Variants in SERINC5 observed in about 807,000 individuals in gnomAD.
SERINC5 encodes the protein serine incorporator 5, also known as chromosome 5 open reading frame 12.
In SERINC5, 41 loss-of-function variants were observed where a neutral mutation model predicts 63.1. The ratio of observed to expected loss-of-function variants is 0.65; its 90% confidence interval spans 0.51 to 0.84. The LOEUF (loss-of-function observed/expected upper bound fraction) is 0.84, where lower values mean the gene tolerates loss of function less well. SERINC5 is among the 40% of genes least tolerant of loss of function. The pLI is 0.00. For missense variants in SERINC5, 523 were observed against 573.0 expected (o/e 0.91, Z 0.89); for synonymous variants, 222 against 215.2 (o/e 1.03, Z -0.28).
At chr5:80,247,070 G>A (rs1265899408) in intron 1 of SERINC5, among the ~76,000 whole-genome samples, 2 of 152,134 alleles carry the variant, frequency 1.3e-5, no homozygotes, top group Admixed American at 6.6e-5. Flanking sequence ...AGGCAGGTAT[G>A]GCCACTTAAA....
intron 4 of SERINC5, among the ~76,000 whole-genome samples, chr5:80,176,867 G>C (rs1748064374): frequency 6.6e-6 from 1 of 152,280 alleles, no homozygotes; most frequent in East Asian, 1.9e-4. Flanking sequence ...TATGATTAAA[G>C]GCTTCATATT....
At chr5:80,191,632 C>CA (rs1421218240) in intron 2 of SERINC5, among the ~76,000 whole-genome samples, 4 of 147,300 alleles carry the variant, frequency 2.7e-5, no homozygotes, top group African/African-American at 1.0e-4. Context: ...CACCACATTC[C>CA]AGCCTGGGCA....
At chr5:80,137,139 CAAAA>C (rs869035894), downstream of SERINC5, among the ~76,000 whole-genome samples, 1 of 67,742 alleles carries the variant, frequency 1.5e-5, no homozygotes, top group Non-Finnish European at 2.9e-5. Flanking sequence ...GACCCTGTCT[CAAAA>C]AAAAAAAAAA....
At chr5:80,213,684 C>T (rs1051302430) in intron 1 of SERINC5, among the ~76,000 whole-genome samples, 14 of 152,278 alleles carry the variant, frequency 9.2e-5, no homozygotes, top group Admixed American at 8.5e-4. Context: ...CTTCCTGTCT[C>T]CCATGCAAAC....
In SERINC5 at chr5:80,200,870, G is replaced by C. The variant is rs945445012; in HGVS notation, c.195+2016C>G. ...GCACTTTGGGAGGCTGAGGCGGGCA[G>C]ATCACTTGAGGTCAGGAGTTCCAGA... On this transcript the variant is annotated intron_variant, in intron 2 of 11. Transcript: ENST00000507668. 3.3e-5 allele frequency among the ~76,000 whole-genome samples: 5 copies of C among 151,982 alleles called. No individual in the cohort carries two copies. The East Asian group carries it at 9.7e-4, about 29-fold the overall frequency.
chr5:80,143,159 A>G lies in SERINC5; in HGVS notation c.*504T>C, dbSNP rs1382020492. ...AAGCAGGTGCCTCCTCTTGGACCCT[A>G]TAAATACCAGGGGCCCTGCAGGCTG... On this transcript the variant is annotated 3_prime_UTR_variant, in exon 12 of 12. Coordinates refer to ENST00000507668, the MANE Select transcript of SERINC5 (RefSeq NM_001174072.3). 1.0e-6 allele frequency: 1 copy of G among 986,194 alleles called. No homozygotes were observed. The highest frequency in any genetic ancestry group is 1.7e-5 in the African/African-American group (1 of 57,238). 61.1% of individuals were successfully genotyped at this position (986,194 alleles called of 1,614,324 possible). A position where few individuals can be genotyped will look rare whatever the true frequency, so the allele number is the denominator to read the frequency against.
At chr5:80,247,556 A>G (rs1580220315) in intron 1 of SERINC5, among the ~76,000 whole-genome samples, 1 of 152,212 alleles carries the variant, frequency 6.6e-6, no homozygotes, top group Non-Finnish European at 1.5e-5. Flanking sequence ...CTGCCCAAGA[A>G]AACATATTTG....
chr5:80,186,018 C>A (rs1748774684), intron 2 of SERINC5, among the ~76,000 whole-genome samples: 1 of 149,172 alleles, frequency 6.7e-6, no homozygotes, highest in African/African-American at 2.5e-5. Flanking sequence ...CTAATGCATT[C>A]CGATTTAAAC....
At chr5:80,155,600 G>A (rs894287834) in intron 8 of SERINC5, among the ~76,000 whole-genome samples, 2 of 139,992 alleles carry the variant, frequency 1.4e-5, no homozygotes, top group African/African-American at 5.5e-5. Context: ...AAGAAGGAGA[G>A]AGAGAGAGAG....
chr5:80,163,444 C>G lies in SERINC5; in HGVS notation c.859+2939G>C, dbSNP rs527639466. ...CAAAAGTAATGCTTCCCATTTTTCC[C>G]CACTCAGTATGATACTGGCTGCGGG... On this transcript the variant is annotated intron_variant, in intron 7 of 11. Coordinates refer to ENST00000507668, the MANE Select transcript of SERINC5 (RefSeq NM_001174072.3). 2.0e-5 allele frequency among the ~76,000 whole-genome samples: 3 copies of G among 152,200 alleles called. No homozygotes were observed. In the East Asian group the frequency reaches 5.8e-4, roughly 29 times the overall value.
intron 12 of SERINC5, among the ~76,000 whole-genome samples, chr5:80,112,406 CCTT>C (rs1454683467): frequency 6.6e-6 from 1 of 152,104 alleles, no homozygotes; most frequent in Non-Finnish European, 1.5e-5. Context: ...TTCTTGCTGA[CCTT>C]CTCCCCACTA....
At chr5:80,253,388 C>A (rs2161094) in intron 1 of SERINC5, among the ~76,000 whole-genome samples, 52,114 of 151,994 alleles carry the variant, frequency 0.34, 9,248 homozygotes, top group East Asian at 0.56. Context: ...TCCTCACCAA[C>A]TGCTTCATGA....
chr5:80,191,584 GC>G (rs1163306192), intron 2 of SERINC5, among the ~76,000 whole-genome samples: 1 of 147,532 alleles, frequency 6.8e-6, no homozygotes, highest in Non-Finnish European at 1.5e-5. Context: ...AATCACTTGA[GC>G]CCCAGAGGTT....
At chr5:80,182,915 G>C (rs1386884324) in intron 2 of SERINC5, among the ~76,000 whole-genome samples, 1 of 152,126 alleles carries the variant, frequency 6.6e-6, no homozygotes, top group Non-Finnish European at 1.5e-5. Flanking sequence ...TGCTTCCAGA[G>C]AAAGAACCTA....
downstream of SERINC5, among the ~76,000 whole-genome samples, chr5:80,137,578 G>A (rs1745259219): frequency 6.7e-6 from 1 of 149,908 alleles, no homozygotes; most frequent in African/African-American, 2.5e-5. Context: ...GGGAGGCAGA[G>A]GTTGCAGTGA....
chr5:80,174,150 C>G (rs750264474), intron 5 of SERINC5, among the ~76,000 whole-genome samples: 14 of 151,704 alleles, frequency 9.2e-5, no homozygotes, highest in Non-Finnish European at 1.8e-4. Flanking sequence ...CTCTTTAACC[C>G]AGGAATTCAA....
chr5:80,179,507 T>A (rs1748281815), intron 2 of SERINC5, among the ~76,000 whole-genome samples: 1 of 152,196 alleles, frequency 6.6e-6, no homozygotes, highest in African/African-American at 2.4e-5. Flanking sequence ...TCACAAACAC[T>A]AATTCAATAA....
At chr5:80,171,760 T>C (rs1031288164) in intron 5 of SERINC5, among the ~76,000 whole-genome samples, 3 of 152,096 alleles carry the variant, frequency 2.0e-5, no homozygotes, top group Admixed American at 6.5e-5. Flanking sequence ...GACATGCTAA[T>C]TAGCCAGCTT....
rs11267118 is a variant in SERINC5 at position 80,139,596 on chromosome 5, A to AAG, written c.*4065_*4066dup. 457 of 950,384 alleles carry AAG rather than the reference A, an allele frequency of 4.8e-4. No individual in the cohort carries two copies. The highest frequency in any genetic ancestry group is 9.9e-4 in the South Asian group (20 of 20,192). The allele number at this position is 950,384 out of a possible 1,614,324, so 58.9% of individuals were successfully genotyped here. A position where few individuals can be genotyped will look rare whatever the true frequency, so the allele number is the denominator to read the frequency against. On this transcript the variant is annotated 3_prime_UTR_variant, in exon 12 of 12. Coordinates refer to ENST00000507668, the MANE Select transcript of SERINC5 (RefSeq NM_001174072.3). ...TGAAAGAGTTGTTGAGAAAGAAGAA[A>AAG]AGAGAGAGAGAGAGAAAGGTCTAAA...
Sources: gnomAD v4.1 joint callset for allele counts (sites outside exome capture counted in the v4.1 genomes callset) on GRCh38, gnomAD v4.1.1 for gene constraint, MANE v1.5 for transcripts, NCBI Gene and HGNC (gene_info 2026-07-23, HGNC 2026-07-21) for gene names.